CNTLN: variants seen among roughly 807,000 people sequenced by gnomAD.
CNTLN encodes the protein centlein, centrosomal protein.
In CNTLN, 212 loss-of-function variants were observed where a neutral mutation model predicts 180.0. The observed-to-expected ratio is 1.18, with a 90% CI of 1.05 to 1.32. CNTLN has a LOEUF of 1.32. Ranked by LOEUF, CNTLN falls within the 40% of genes most tolerant of loss-of-function variation. The pLI is 0.00. For missense variants in CNTLN, 2,095 were observed against 1,610.9 expected, an observed-to-expected ratio of 1.30 and a Z score of -5.14; for synonymous variants, 722 against 563.1, an observed-to-expected ratio of 1.28 and a Z score of -3.99.
At chr9:17,404,157 T>C (rs1827196431) in intron 15 of CNTLN, among the ~76,000 whole-genome samples, 1 of 151,808 alleles carries the variant, frequency 6.6e-6, no homozygotes, top group African/African-American at 2.4e-5. Flanking sequence ...TTTTCATTAT[T>C]CAAAGGCAAC....
At chr9:17,139,638 CA>C (rs528604338) in intron 1 of CNTLN, among the ~76,000 whole-genome samples, 1 of 149,840 alleles carries the variant, frequency 6.7e-6, no homozygotes, top group African/African-American at 2.5e-5. Context: ...CCAGCCTGGG[CA>C]ACAGAGTGAG....
the CNTLN span, among the ~76,000 whole-genome samples, chr9:17,520,674 T>C: frequency 1.3e-5 from 2 of 152,354 alleles, no homozygotes; most frequent in East Asian, 3.9e-4. Flanking sequence ...TTTTAACTGA[T>C]AATTGGGTTG....
intron 18 of CNTLN, among the ~76,000 whole-genome samples, chr9:17,435,521 A>G (rs374084261): frequency 4.6e-5 from 7 of 151,922 alleles, no homozygotes; most frequent in South Asian, 2.1e-4. Context: ...ATTTGACCTT[A>G]GACTATGAAA....
At chr9:17,377,797 C>T (rs1587826082) in intron 13 of CNTLN, among the ~76,000 whole-genome samples, 2 of 152,200 alleles carry the variant, frequency 1.3e-5, no homozygotes. Flanking sequence ...CCAACCTCCC[C>T]TGTATCACCC....
intron 1 of CNTLN, among the ~76,000 whole-genome samples, chr9:17,137,058 C>T (rs915204661): frequency 6.6e-6 from 1 of 152,174 alleles, no homozygotes; most frequent in Non-Finnish European, 1.5e-5. Flanking sequence ...TGGAAACAGC[C>T]TGATGAACCT....
intron 6 of CNTLN, among the ~76,000 whole-genome samples, chr9:17,296,867 C>T (rs543848735): frequency 2.8e-4 from 43 of 152,124 alleles, no homozygotes; most frequent in Non-Finnish European, 5.0e-4. Context: ...CTCTAAGGAG[C>T]GGAACTCCTT....
intron 2 of CNTLN, among the ~76,000 whole-genome samples, chr9:17,206,620 A>G (rs535976176): frequency 6.6e-6 from 1 of 152,168 alleles, no homozygotes; most frequent in East Asian, 1.9e-4. Context: ...CTGTAAGGGT[A>G]TTTTCCTACA....
At chr9:17,292,617 G>A (rs1829489408) in intron 6 of CNTLN, among the ~76,000 whole-genome samples, 1 of 152,050 alleles carries the variant, frequency 6.6e-6, no homozygotes. Flanking sequence ...TGGTTGCATT[G>A]TGATGTTCTC....
intron 14 of CNTLN, among the ~76,000 whole-genome samples, chr9:17,390,167 G>A (rs1458142236): frequency 6.7e-6 from 1 of 148,858 alleles, no homozygotes; most frequent in Non-Finnish European, 1.5e-5. Context: ...GGCAAACCTA[G>A]CAAACTAATA....
chr9:17,297,250 G>A (rs1400288594), intron 6 of CNTLN, among the ~76,000 whole-genome samples: 1 of 152,162 alleles, frequency 6.6e-6, no homozygotes, highest in Admixed American at 6.5e-5. Flanking sequence ...ATGACTTAAA[G>A]TATTTGGATG....
downstream of CNTLN, chr9:17,503,937 A>C (rs1255098351): frequency 6.6e-6 from 1 of 152,610 alleles, no homozygotes; most frequent in African/African-American, 2.4e-5. Flanking sequence ...GTGCTCATTC[A>C]TTTCTTTACT....
chr9:17,426,414 T>C (rs1449231439), intron 18 of CNTLN, among the ~76,000 whole-genome samples: 2 of 152,164 alleles, frequency 1.3e-5, no homozygotes, highest in African/African-American at 4.8e-5. Context: ...AGTAGACTAA[T>C]ATCCATTAAT....
intron 12 of CNTLN, among the ~76,000 whole-genome samples, chr9:17,363,590 A>G (rs996292529): frequency 6.6e-6 from 1 of 151,636 alleles, no homozygotes; most frequent in Non-Finnish European, 1.5e-5. Flanking sequence ...ATTATAACAT[A>G]CATCATTTAT....
chr9:17,284,247 G>C (rs1828839574), intron 6 of CNTLN, among the ~76,000 whole-genome samples: 1 of 152,056 alleles, frequency 6.6e-6, no homozygotes, highest in Admixed American at 6.6e-5. Context: ...ATTTTCTCAG[G>C]GTTTGGTATC....
chr9:17,238,430 A>G (rs1440463070), intron 5 of CNTLN, among the ~76,000 whole-genome samples: 2 of 152,192 alleles, frequency 1.3e-5, no homozygotes, highest in Non-Finnish European at 2.9e-5. Context: ...TCTCCCATGA[A>G]GCATGGTCAT....
intron 19 of CNTLN, among the ~76,000 whole-genome samples, chr9:17,462,633 A>G (rs1253069699): frequency 1.3e-5 from 2 of 151,692 alleles, no homozygotes; most frequent in African/African-American, 4.8e-5. Flanking sequence ...ACATTATACC[A>G]GGACAACTCA....
intron 2 of CNTLN, among the ~76,000 whole-genome samples, chr9:17,158,395 G>C (rs2131569327): frequency 6.6e-6 from 1 of 152,142 alleles, no homozygotes; most frequent in East Asian, 1.9e-4. Flanking sequence ...TAATAGCCTT[G>C]TAAAATGATT....
At chr9:17,361,666 C>G (rs531106465) in intron 12 of CNTLN, among the ~76,000 whole-genome samples, 1 of 152,322 alleles carries the variant, frequency 6.6e-6, no homozygotes, top group East Asian at 1.9e-4. Context: ...TCCTAAACTG[C>G]AGTCTCTTGT....
At chr9:17,241,814 C>A (rs949278730) in intron 5 of CNTLN, among the ~76,000 whole-genome samples, 1 of 152,054 alleles carries the variant, frequency 6.6e-6, no homozygotes, top group Non-Finnish European at 1.5e-5. Context: ...TTGTAGCTAT[C>A]ATAAGTAGGA....
Sources: allele counts gnomAD v4.1 joint callset (sites outside exome capture counted in the v4.1 genomes callset), GRCh38; gene constraint gnomAD v4.1.1; transcripts MANE v1.5; gene names NCBI Gene and HGNC (gene_info 2026-07-23, HGNC 2026-07-21).